Variants in DPP6 observed in about 807,000 individuals in gnomAD.
DPP6 encodes the protein A-type potassium channel modulatory protein DPP6.
A neutral mutation model predicts 122.6 loss-of-function variants in DPP6; 69 were observed. That is an observed-to-expected ratio of 0.56 (90% confidence interval 0.46 to 0.69). The LOEUF is 0.69. Ranked by LOEUF, DPP6 falls within the 30% of genes least tolerant of loss-of-function variation. DPP6 has a pLI of 0.00. For synonymous variants in DPP6, 418 were observed against 433.1 expected (o/e 0.97, Z 0.43); for missense variants, 928 against 1,116.9 (o/e 0.83, Z 2.41).
intron 16 of DPP6, among the ~76,000 whole-genome samples, chr7:154,810,783 G>A (rs957632732): frequency 6.6e-6 from 1 of 151,994 alleles, no homozygotes; most frequent in African/African-American, 2.4e-5. Context: ...GCCACACTGG[G>A]TCACACACAC....
chr7:154,557,742 C>T (rs535148250), intron 4 of DPP6, among the ~76,000 whole-genome samples: 5 of 151,980 alleles, frequency 3.3e-5, no homozygotes, highest in Admixed American at 1.3e-4. Flanking sequence ...CATGCCATCC[C>T]GTGGGCTTTC....
At chr7:154,439,739 T>G (rs987611951) in intron 1 of DPP6, among the ~76,000 whole-genome samples, 5 of 152,226 alleles carry the variant, frequency 3.3e-5, no homozygotes, top group African/African-American at 1.2e-4. Flanking sequence ...AACACAGTTT[T>G]GCTGACCTTC....
At chr7:154,054,823 A>G (rs1800676007) in intron 1 of DPP6, among the ~76,000 whole-genome samples, 1 of 149,614 alleles carries the variant, frequency 6.7e-6, no homozygotes, top group Admixed American at 6.7e-5. Context: ...AATGAGAACA[A>G]TGTGCAGTTT....
intron 1 of DPP6, among the ~76,000 whole-genome samples, chr7:153,934,132 C>T (rs1298363729): frequency 6.6e-6 from 1 of 152,160 alleles, no homozygotes; most frequent in Non-Finnish European, 1.5e-5. Flanking sequence ...GACACCATCC[C>T]TGAAGTGTGA....
chr7:154,473,386 C>T (rs550341835), intron 2 of DPP6, among the ~76,000 whole-genome samples: 1 of 152,292 alleles, frequency 6.6e-6, no homozygotes, highest in African/African-American at 2.4e-5. Flanking sequence ...GCTCCATATA[C>T]AGTCATGTTT....
At chr7:154,075,994 CTAAA>C (rs1803523057) in intron 1 of DPP6, among the ~76,000 whole-genome samples, 2 of 151,596 alleles carry the variant, frequency 1.3e-5, no homozygotes, top group Admixed American at 6.6e-5. Context: ...AATATATAGG[CTAAA>C]TAAAGGAATG....
At chr7:154,375,557 G>C (rs944280133) in intron 1 of DPP6, among the ~76,000 whole-genome samples, 5 of 152,130 alleles carry the variant, frequency 3.3e-5, no homozygotes, top group African/African-American at 1.2e-4. Context: ...CCCATGATGG[G>C]ATCAGTATCC....
intron 1 of DPP6, among the ~76,000 whole-genome samples, chr7:154,369,558 G>T (rs920308791): frequency 1.3e-5 from 2 of 152,066 alleles, no homozygotes; most frequent in Non-Finnish European, 2.9e-5. Context: ...TAGAGGTGGG[G>T]TTTCTCCATG....
intron 1 of DPP6, among the ~76,000 whole-genome samples, chr7:154,385,622 C>T (rs1814037377): frequency 6.6e-6 from 1 of 152,138 alleles, no homozygotes; most frequent in Admixed American, 6.5e-5. Flanking sequence ...TCAGCTGCAA[C>T]CCTGGCTGGC....
intron 1 of DPP6, among the ~76,000 whole-genome samples, chr7:154,290,737 TG>T (rs1354501331): frequency 4.6e-5 from 7 of 152,060 alleles, no homozygotes; most frequent in Non-Finnish European, 8.8e-5. Context: ...CACTGGCCCC[TG>T]GTGTTCCCGC....
At chr7:154,016,897 G>C (rs1798442937) in intron 1 of DPP6, among the ~76,000 whole-genome samples, 1 of 152,260 alleles carries the variant, frequency 6.6e-6, no homozygotes, top group South Asian at 2.1e-4. Context: ...AGAAGTAGGT[G>C]GGCAAGGAGC....
At chr7:153,931,716 T>C (rs1801179051) in intron 1 of DPP6, among the ~76,000 whole-genome samples, 1 of 152,220 alleles carries the variant, frequency 6.6e-6, no homozygotes, top group Non-Finnish European at 1.5e-5. Context: ...CAGACAACAA[T>C]TGAATTCTAA....
intron 1 of DPP6, among the ~76,000 whole-genome samples, chr7:153,969,071 C>T (rs1795893376): frequency 1.3e-5 from 2 of 150,756 alleles, no homozygotes; most frequent in African/African-American, 4.9e-5. Context: ...TATTTGTGTA[C>T]GTGCTTTTGT....
chr7:154,175,934 C>CAGTG, intron 1 of DPP6, among the ~76,000 whole-genome samples: 1 of 152,184 alleles, frequency 6.6e-6, no homozygotes, highest in East Asian at 1.9e-4. Flanking sequence ...GTGACCCACC[C>CAGTG]ACCTCGGCCT....
intron 1 of DPP6, among the ~76,000 whole-genome samples, chr7:154,190,405 T>G (rs1798559863): frequency 6.6e-6 from 1 of 152,150 alleles, no homozygotes; most frequent in African/African-American, 2.4e-5. Context: ...GAGAGAAGTA[T>G]CTAGTAGCTC....
At chr7:154,081,156 G>C (rs889637962) in intron 1 of DPP6, among the ~76,000 whole-genome samples, 15 of 151,872 alleles carry the variant, frequency 9.9e-5, no homozygotes, top group Non-Finnish European at 2.1e-4. Context: ...ATCAGCTGTG[G>C]TTAGTCCAAA....
intron 1 of DPP6, among the ~76,000 whole-genome samples, chr7:154,397,050 A>C (rs907741247): frequency 6.6e-6 from 1 of 151,984 alleles, no homozygotes; most frequent in Non-Finnish European, 1.5e-5. Context: ...TAATCTAATG[A>C]AATAGATTAT....
rs529741601 is a variant in DPP6 at position 154,193,508 on chromosome 7, C to T, written c.243+140445C>T. The stretch of plus-strand genomic sequence containing the variant: ...GGAGAGAAATTTGGTTGCAGGGATA[C>T]GAATAAGCAGGTTGAATGGAGGGGC... On this transcript the variant is annotated intron_variant, in intron 1 of 25. Transcript: ENST00000377770. Among the ~76,000 whole-genome samples the T allele has an allele frequency of 7.2e-5, 11 of 152,154 alleles. No homozygotes were observed. In the South Asian group the frequency reaches 1.7e-3, roughly 23 times the overall value.
At chr7:154,668,103 GCAACCC>G (rs1342592725) in intron 6 of DPP6, among the ~76,000 whole-genome samples, 1 of 147,436 alleles carries the variant, frequency 6.8e-6, no homozygotes, top group Non-Finnish European at 1.5e-5. Context: ...CTTTGTTCAT[GCAACCC>G]CTGAAGTGCA....
Sources: allele counts gnomAD v4.1 joint callset (sites outside exome capture counted in the v4.1 genomes callset), GRCh38; gene constraint gnomAD v4.1.1; transcripts MANE v1.5; gene names NCBI Gene and HGNC (gene_info 2026-07-23, HGNC 2026-07-21).